Variants in CYP2B6 observed in about 807,000 individuals in gnomAD.
The protein encoded by CYP2B6 is cytochrome P450 family 2 subfamily B member 6, also known as cytochrome P450 2B6.
In CYP2B6, 35 loss-of-function variants were observed where a neutral mutation model predicts 43.4. The observed-to-expected ratio is 0.81, with a 90% confidence interval of 0.62 to 1.07. The LOEUF (loss-of-function observed/expected upper bound fraction) is 1.07, where lower values mean the gene tolerates loss of function less well. Among genes scored for constraint, CYP2B6 ranks in the 50% least tolerant of loss-of-function variants. The pLI, the probability that CYP2B6 is intolerant of heterozygous loss-of-function variation, is 0.00. For missense variants in CYP2B6, 624 were observed against 632.8 expected, an observed-to-expected ratio of 0.99 and a Z score of 0.15; for synonymous variants, 239 against 239.2, an observed-to-expected ratio of 1.00 and a Z score of 0.01.
chr19:40,996,856 C>A lies in CYP2B6; in HGVS notation c.171+5380C>A, dbSNP rs1256773350. ...GCTTCTCTAATTCAGGTACATAACA[C>A]TGGTTTATTAAATAGGTTATCATAG... On this transcript the variant is annotated intron_variant, in intron 1 of 8. Coordinates refer to ENST00000324071, the MANE Select transcript of CYP2B6 (RefSeq NM_000767.5). 3.9e-5 allele frequency among the ~76,000 whole-genome samples: 6 copies of A among 152,026 alleles called. 1 individual carries two copies. Among genetic ancestry groups the A allele is most frequent in the African/African-American group, 1.2e-4 (5 of 41,350 alleles).
rs575892862 is a variant in CYP2B6 at position 41,016,871 on chromosome 19, T to C, written c.*44T>C. On this transcript the variant is annotated 3_prime_UTR_variant, in exon 9 of 9. Transcript: ENST00000324071. The stretch of plus-strand genomic sequence containing the variant: ...GTCAAAGGATTCCAGGGTCATTCAG[T>C]GTCCCCGCCTCTGTAGACAATGGCT... 2.3e-5 allele frequency: 36 copies of C among 1,564,880 alleles called. No individual in the cohort carries two copies. The highest frequency in any genetic ancestry group is 3.0e-5 in the Non-Finnish European group (35 of 1,151,634).
chr19:40,992,152 A>C (rs1392264411), intron 1 of CYP2B6, among the ~76,000 whole-genome samples: 2 of 150,500 alleles, frequency 1.3e-5, no homozygotes, highest in African/African-American at 2.5e-5. Flanking sequence ...CAGTGAGCCA[A>C]AATCTTACCA....
intron 1 of CYP2B6, among the ~76,000 whole-genome samples, chr19:41,002,947 C>T (rs764914472): frequency 1.4e-3 from 212 of 152,152 alleles, no homozygotes; most frequent in African/African-American, 4.8e-3. Context: ...GCCACGTTGT[C>T]GCCTGTAGCT....
intron 1 of CYP2B6, among the ~76,000 whole-genome samples, chr19:40,998,080 C>CA (rs1202633273): frequency 6.6e-6 from 1 of 151,916 alleles, no homozygotes; most frequent in Non-Finnish European, 1.5e-5. Flanking sequence ...CCAGCCTGGG[C>CA]ACAGAGCAAG....
Position 41,012,466 on chromosome 19 carries a change from G to A in CYP2B6, c.1133G>A (p.Arg378Gln), listed in dbSNP as rs200458614. Reference sequence around the variant, plus strand: ...ATTGTCACCCAACACACCAGCTTCCGAGGGTACATCATCCCCAAGGTAAGA... The same window carrying A: ...ATTGTCACCCAACACACCAGCTTCCAAGGGTACATCATCCCCAAGGTAAGA... ...PHIVTQHTSFRGYIIPKDTEV... is the reference protein window; with the variant it reads ...PHIVTQHTSFQGYIIPKDTEV... Residue 378 changes from arginine (R) to glutamine (Q), a missense_variant, in exon 7 of 9, where the codon CGA becomes CAA. Coordinates refer to ENST00000324071, the MANE Select transcript of CYP2B6 (RefSeq NM_000767.5). 2.6e-4 allele frequency: 422 copies of A among 1,613,972 alleles called. No individual in the cohort carries two copies. The highest frequency in any genetic ancestry group is 3.1e-4 in the Non-Finnish European group (367 of 1,179,978).
At chr19:41,001,493 G>T (rs1312047587) in intron 1 of CYP2B6, among the ~76,000 whole-genome samples, 1 of 152,084 alleles carries the variant, frequency 6.6e-6, no homozygotes, top group Non-Finnish European at 1.5e-5. Context: ...ATGTCAGAGG[G>T]ATGTGGGCTC....
At chr19:41,010,745 C>A (rs1284548812) in intron 6 of CYP2B6, among the ~76,000 whole-genome samples, 2 of 152,132 alleles carry the variant, frequency 1.3e-5, no homozygotes, top group Non-Finnish European at 2.9e-5. Context: ...ATCACCCAAA[C>A]AGTGTACATT....
At chr19:41,006,708 A>G (rs138495424) in intron 3 of CYP2B6, among the ~76,000 whole-genome samples, 197 bp from the exon 4 acceptor site, 198 of 152,202 alleles carry the variant, frequency 1.3e-3, no homozygotes, top group African/African-American at 4.6e-3. Flanking sequence ...GCTAATAATC[A>G]AATTGCATCT....
At chr19:40,998,523 C>G (rs1440591762) in intron 1 of CYP2B6, among the ~76,000 whole-genome samples, 1 of 149,178 alleles carries the variant, frequency 6.7e-6, no homozygotes, top group Non-Finnish European at 1.5e-5. Flanking sequence ...GCTGCACCCA[C>G]TAACTCGTCA....
At chr19:41,013,726 G>A (rs895753847) in intron 8 of CYP2B6, among the ~76,000 whole-genome samples, 2 of 152,204 alleles carry the variant, frequency 1.3e-5, no homozygotes, top group African/African-American at 4.8e-5. Context: ...CTACTCTTTG[G>A]CTGGTTAAAA....
At chr19:40,995,297 C>A (rs1599841172) in intron 1 of CYP2B6, among the ~76,000 whole-genome samples, 3 of 152,144 alleles carry the variant, frequency 2.0e-5, no homozygotes, top group African/African-American at 7.2e-5. Context: ...AACAGACATA[C>A]AGTTCTAGGA....
chr19:41,000,654 T>G (rs2144663519), intron 1 of CYP2B6, among the ~76,000 whole-genome samples: 1 of 152,268 alleles, frequency 6.6e-6, no homozygotes, highest in Middle Eastern at 3.4e-3. Context: ...TAGACTAATG[T>G]GTCTAGGAAT....
chr19:41,016,322 C>T (rs1458216325), intron 8 of CYP2B6, among the ~76,000 whole-genome samples: 1 of 143,100 alleles, frequency 7.0e-6, no homozygotes. Flanking sequence ...ATTTGAACCA[C>T]CTGGGAGGTG....
In CYP2B6 at chr19:41,004,312, A is replaced by G. The variant is rs376236759; in HGVS notation, c.350A>G (p.Asn117Ser). The change falls in exon 3 of 9, where the codon AAT (asparagine) becomes AGT (serine). Residue 117 changes from asparagine to serine, a missense_variant. Coordinates refer to ENST00000324071, the MANE Select transcript of CYP2B6 (RefSeq NM_000767.5). Reference sequence around the variant, plus strand: ...TGCACCCCAGGTGTGATCTTTGCCAATGGAAACCGCTGGAAGGTGCTTCGG... The same window carrying G: ...TGCACCCCAGGTGTGATCTTTGCCAGTGGAAACCGCTGGAAGGTGCTTCGG... ...FFRGYGVIFA[N>S]GNRWKVLRRF... The G allele has an allele frequency of 1.9e-6, 3 of 1,613,916 alleles. No homozygotes were observed. The highest frequency in any genetic ancestry group is 2.2e-5 in the East Asian group (1 of 44,878).
intron 4 of CYP2B6, among the ~76,000 whole-genome samples, chr19:41,008,915 T>C (rs4061281): frequency 0.28 from 41,808 of 148,700 alleles, 6,363 homozygotes; most frequent in South Asian, 0.36. Flanking sequence ...ATAAACAGGC[T>C]GAGGTAGACA....
At chr19:40,992,525 CT>C (rs929877963) in intron 1 of CYP2B6, among the ~76,000 whole-genome samples, 4 of 151,072 alleles carry the variant, frequency 2.6e-5, no homozygotes, top group Non-Finnish European at 5.9e-5. Flanking sequence ...ATTTAAGACT[CT>C]TTTTTTTTCT....
At position 41,016,684 on chromosome 19, in the gene CYP2B6, G is replaced by C. The variant is rs760667555; in HGVS notation, c.1333G>C (p.Glu445Gln). ...ICLGEGIARA[E>Q]LFLFFTTILQ... ...TCTTGGTGAAGGCATCGCCCGTGCG[G>C]AATTGTTCCTCTTCTTCACCACCAT... is the stretch of plus-strand genomic sequence containing the variant. Residue 445 changes from glutamate to glutamine, a missense_variant, in exon 9 of 9, where the codon GAA (glutamate) becomes CAA (glutamine). Glu to Gln is a conservative substitution (Grantham distance 29, BLOSUM62 2). Transcript: ENST00000324071. The C allele has an allele frequency of 4.3e-6, 7 of 1,614,116 alleles. No individual in the cohort carries two copies. The highest frequency in any genetic ancestry group is 3.4e-6 in the Non-Finnish European group (4 of 1,180,058).
chr19:41,011,903 T>C (rs1376111639), intron 6 of CYP2B6, among the ~76,000 whole-genome samples: 3 of 152,292 alleles, frequency 2.0e-5, no homozygotes, highest in East Asian at 1.9e-4. Flanking sequence ...AGGTTTTTCA[T>C]TGGTCAATAG....
chr19:41,010,983 T>C (rs147028723), intron 6 of CYP2B6, among the ~76,000 whole-genome samples: 204 of 152,338 alleles, frequency 1.3e-3, no homozygotes, highest in African/African-American at 4.7e-3. Context: ...AAAGAATGTA[T>C]AATTACTGAT....
Sources: gnomAD v4.1 joint callset for allele counts (sites outside exome capture counted in the v4.1 genomes callset) on GRCh38, gnomAD v4.1.1 for gene constraint, MANE v1.5 for transcripts, NCBI Gene and HGNC (gene_info 2026-07-23, HGNC 2026-07-21) for gene names.